The following COL24A1 variants were observed in gnomAD, a reference collection of about 807,000 sequenced individuals.
COL24A1 encodes collagen type XXIV alpha 1 chain.
In COL24A1, 224 loss-of-function variants were observed where a neutral mutation model predicts 253.9. That is an observed-to-expected ratio of 0.88 (90% CI 0.79 to 0.99). The LOEUF (loss-of-function observed/expected upper bound fraction) is 0.99, where lower values mean the gene tolerates loss of function less well. Ranked by LOEUF, COL24A1 falls within the 50% of genes least tolerant of loss-of-function variation. COL24A1 has a pLI of 0.00. For synonymous variants in COL24A1, 685 were observed against 673.7 expected, an observed-to-expected ratio of 1.02 and a Z score of -0.26; for missense variants, 2,131 against 2,068.5, an observed-to-expected ratio of 1.03 and a Z score of -0.59.
chr1:85,993,759 T>C (rs75952756), intron 19 of COL24A1, among the ~76,000 whole-genome samples: 13,828 of 152,002 alleles, frequency 0.091, 751 homozygotes, highest in Middle Eastern at 0.14. Context: ...AGGTATTTAG[T>C]ATTGGGTATT....
intron 19 of COL24A1, among the ~76,000 whole-genome samples, chr1:86,006,298 A>G (rs536561110): frequency 6.9e-6 from 1 of 144,640 alleles, no homozygotes; most frequent in South Asian, 2.2e-4. Context: ...GTGGTAATGA[A>G]GAAAAAAACA....
At chr1:86,058,906 A>G (rs1700857866) in intron 9 of COL24A1, among the ~76,000 whole-genome samples, 1 of 152,172 alleles carries the variant, frequency 6.6e-6, no homozygotes, top group African/African-American at 2.4e-5. Flanking sequence ...TGTACATCAC[A>G]TCAAACATAT....
intron 26 of COL24A1, among the ~76,000 whole-genome samples, chr1:85,909,189 G>A (rs1685134454): frequency 6.6e-6 from 1 of 151,568 alleles, no homozygotes; most frequent in South Asian, 2.1e-4. Flanking sequence ...AGTCTTACAG[G>A]CATGCTAAAT....
At chr1:85,835,411 T>C (rs1188878798) in intron 43 of COL24A1, among the ~76,000 whole-genome samples, 1 of 152,158 alleles carries the variant, frequency 6.6e-6, no homozygotes, top group African/African-American at 2.4e-5. Flanking sequence ...ATTACAGGTG[T>C]GAGCCACTGC....
chr1:85,885,397 A>ATTTT (rs1177337391), intron 32 of COL24A1, among the ~76,000 whole-genome samples: 20 of 128,910 alleles, frequency 1.6e-4, no homozygotes, highest in African/African-American at 2.6e-4. Context: ...ATATATATAT[A>ATTTT]TTTTTTTTTT....
intron 7 of COL24A1, among the ~76,000 whole-genome samples, chr1:86,080,436 T>C (rs1048739984): frequency 2.6e-5 from 4 of 152,176 alleles, no homozygotes; most frequent in African/African-American, 4.8e-5. Flanking sequence ...TAGAGTATCA[T>C]TGGATTGTTT....
chr1:85,979,457 G>T (rs1693023578), intron 20 of COL24A1, among the ~76,000 whole-genome samples: 1 of 151,988 alleles, frequency 6.6e-6, no homozygotes, highest in African/African-American at 2.4e-5. Flanking sequence ...ACAAAGAAAA[G>T]TAGAGAGAAG....
chr1:85,910,386 C>A (rs1438473115), intron 25 of COL24A1, among the ~76,000 whole-genome samples: 1 of 151,804 alleles, frequency 6.6e-6, no homozygotes, highest in South Asian at 2.1e-4. Context: ...TAAAATGTAA[C>A]AAATCTGTGT....
intron 20 of COL24A1, among the ~76,000 whole-genome samples, chr1:85,983,964 C>T (rs1025743484): frequency 1.3e-5 from 2 of 151,810 alleles, no homozygotes; most frequent in African/African-American, 4.8e-5. Context: ...TCTACATACT[C>T]ATGTTTATTA....
intron 24 of COL24A1, among the ~76,000 whole-genome samples, chr1:85,936,735 G>A (rs1214217477): frequency 6.8e-6 from 1 of 146,870 alleles, no homozygotes; most frequent in Non-Finnish European, 1.5e-5. Flanking sequence ...ATCAATGGTG[G>A]AAAAATAAGT....
chr1:86,060,022 C>T (rs1392829399), intron 8 of COL24A1, among the ~76,000 whole-genome samples: 1 of 152,000 alleles, frequency 6.6e-6, no homozygotes, highest in Admixed American at 6.6e-5. Flanking sequence ...GTTATAGCAG[C>T]CCAAACTGAC....
At chr1:85,904,230 T>C (rs1460946019) in intron 28 of COL24A1, among the ~76,000 whole-genome samples, 1 of 152,142 alleles carries the variant, frequency 6.6e-6, no homozygotes, top group Non-Finnish European at 1.5e-5. Flanking sequence ...ATACTGCCCC[T>C]CTAGAGAAAG....
chr1:85,941,425 T>A (rs1688746783), intron 24 of COL24A1, among the ~76,000 whole-genome samples: 1 of 152,102 alleles, frequency 6.6e-6, no homozygotes, highest in Non-Finnish European at 1.5e-5. Context: ...CCAGCTTAGA[T>A]CTTCAATTCT....
intron 31 of COL24A1, among the ~76,000 whole-genome samples, chr1:85,894,950 A>G (rs1683507910): frequency 1.3e-5 from 2 of 152,116 alleles, no homozygotes; most frequent in South Asian, 4.1e-4. Flanking sequence ...TTTTTATTCT[A>G]TCCTTTTCTG....
chr1:85,823,755 T>C lies in COL24A1; in HGVS notation c.3682-17A>G. ...CACATGGCCCTAGAAATAGAAAAGA[T>C]TACATTATTAGAGTAAGTAGAGACA... On this transcript the variant is annotated splice_polypyrimidine_tract_variant and intron_variant, in intron 43 of 59. Transcript: ENST00000370571. The C allele has an allele frequency of 6.2e-7, 1 of 1,610,520 alleles. No homozygotes were observed. Among genetic ancestry groups the C allele is most frequent in the Non-Finnish European group, 8.5e-7 (1 of 1,177,124 alleles).
intron 10 of COL24A1, among the ~76,000 whole-genome samples, chr1:86,056,662 T>C (rs750076051): frequency 3.9e-5 from 6 of 152,050 alleles, no homozygotes; most frequent in Non-Finnish European, 8.8e-5. Flanking sequence ...GAGAGCAGCC[T>C]GGCCAACATG....
At chr1:85,806,836 C>T (rs1672020421) in intron 47 of COL24A1, among the ~76,000 whole-genome samples, 1 of 152,216 alleles carries the variant, frequency 6.6e-6, no homozygotes, top group South Asian at 2.1e-4. Context: ...TAGCTGTTGG[C>T]CAGTGCCTTA....
At chr1:85,926,681 G>C (rs1463204548) in intron 24 of COL24A1, among the ~76,000 whole-genome samples, 3 of 152,100 alleles carry the variant, frequency 2.0e-5, no homozygotes, top group African/African-American at 7.2e-5. Context: ...GTGAGGGGCA[G>C]GGGGAGGGAT....
intron 1 of COL24A1, among the ~76,000 whole-genome samples, chr1:86,149,301 T>A (rs538025859): frequency 6.6e-6 from 1 of 152,332 alleles, no homozygotes; most frequent in East Asian, 1.9e-4. Context: ...CATTTTCCAC[T>A]GATTCTAATG....
Sources: allele counts gnomAD v4.1 joint callset (sites outside exome capture counted in the v4.1 genomes callset), GRCh38; gene constraint gnomAD v4.1.1; transcripts MANE v1.5; gene names NCBI Gene and HGNC (gene_info 2026-07-23, HGNC 2026-07-21).